Variants in AP1G1 observed in about 807,000 individuals in gnomAD.
AP1G1 encodes adaptor related protein complex 1 subunit gamma 1.
A neutral mutation model predicts 108.3 loss-of-function variants in AP1G1; 7 were observed. The observed-to-expected ratio is 0.06, with a 90% CI of 0.04 to 0.12. AP1G1 has a LOEUF of 0.12. AP1G1 is among the 10% of genes least tolerant of loss of function. The pLI is 1.00. For synonymous variants in AP1G1, 379 were observed against 353.5 expected (o/e 1.07, Z -0.81); for missense variants, 756 against 1,010.7 (o/e 0.75, Z 3.42).
chr16:71,797,693 G>A (rs1477081364), intron 1 of AP1G1, among the ~76,000 whole-genome samples: 2 of 152,118 alleles, frequency 1.3e-5, no homozygotes, highest in East Asian at 1.9e-4. Context: ...CAGCTACTCA[G>A]GAGGCTGAGG....
chr16:71,765,503 C>A lies in AP1G1; in HGVS notation c.724G>T (p.Asp242Tyr). 2 of 1,612,580 alleles carry A rather than the reference C, an allele frequency of 1.2e-6. No individual in the cohort carries two copies. Among genetic ancestry groups the A allele is most frequent in the South Asian group, 2.2e-5 (2 of 90,950 alleles). Residue 242 changes from aspartate to tyrosine, a missense_variant, in exon 7 of 23, where the codon GAC becomes TAC. Around this residue, in one of 3 missense-constraint regions of AP1G1, gnomAD observed 304 missense variants for 483.6 expected, o/e 0.63. Transcript: ENST00000299980. ...TTCAACCTCACCTGCAAAAAGGGGTCACTGATACCAGAAACATCATGTTCT... is the reference window on the plus strand; with the variant it reads ...TTCAACCTCACCTGCAAAAAGGGGTAACTGATACCAGAAACATCATGTTCT... ...SPEHDVSGIS[D>Y]PFLQVRILRL...
intron 13 of AP1G1, 162 bp downstream of exon 13, chr16:71,753,671 C>G: frequency 1.4e-6 from 1 of 692,232 alleles, no homozygotes; most frequent in Non-Finnish European, 2.6e-6. Context: ...TTATATTCCT[C>G]CATGCTGCTT....
At chr16:71,759,460 CA>C (rs956009734) in intron 10 of AP1G1, among the ~76,000 whole-genome samples, 3 of 146,214 alleles carry the variant, frequency 2.1e-5, no homozygotes, top group Non-Finnish European at 4.5e-5. Flanking sequence ...GACTCTGTCT[CA>C]AAAAAAAATA....
At chr16:71,772,186 A>G (rs745989315) in intron 4 of AP1G1, among the ~76,000 whole-genome samples, 3 of 151,434 alleles carry the variant, frequency 2.0e-5, no homozygotes, top group Non-Finnish European at 4.4e-5. Flanking sequence ...GCTAGAGTAC[A>G]ATGGCGCAAT....
At chr16:71,800,647 G>C (rs1232820561) in intron 1 of AP1G1, among the ~76,000 whole-genome samples, 4 of 146,170 alleles carry the variant, frequency 2.7e-5, no homozygotes, top group Non-Finnish European at 4.5e-5. Context: ...TAAAAATACA[G>C]AACATTAGCC....
chr16:71,798,435 G>C (rs773191958), intron 1 of AP1G1, among the ~76,000 whole-genome samples: 1 of 151,928 alleles, frequency 6.6e-6, no homozygotes, highest in African/African-American at 2.4e-5. Flanking sequence ...TCCTGACCTC[G>C]TGATCCGCCA....
At chr16:71,799,756 G>A (rs988118470) in intron 1 of AP1G1, among the ~76,000 whole-genome samples, 6 of 151,552 alleles carry the variant, frequency 4.0e-5, no homozygotes, top group African/African-American at 1.5e-4. Context: ...AAAATTAGCG[G>A]GGTGTGGTGA....
At position 71,771,331 on chromosome 16, in the gene AP1G1, C is replaced by T. The variant is rs552755877; in HGVS notation, c.469-79G>A. ...ACCAATCTTATTAAAAAACCACCAA[C>T]ACAAAAATCTCACCAACTAGTTCAT... On this transcript the variant is annotated intron_variant, in intron 4 of 22. Transcript: ENST00000299980. 1.0e-4 allele frequency: 81 copies of T among 786,756 alleles called. No individual in the cohort carries two copies. The East Asian group carries it at 1.9e-3, about 19-fold the overall frequency. 48.7% of individuals were successfully genotyped at this position (786,756 alleles called of 1,614,324 possible). A position where few individuals can be genotyped will look rare whatever the true frequency, so the allele number is the denominator to read the frequency against.
Position 71,789,357 on chromosome 16 carries a change from T to G in AP1G1, c.123A>C (p.Glu41Asp), listed in dbSNP as rs1001811363. 2 of 1,614,234 alleles carry G rather than the reference T, an allele frequency of 1.2e-6. No homozygotes were observed. The highest frequency in any genetic ancestry group is 1.1e-5 in the South Asian group (1 of 91,086). ...CAAIRSSFRE[E>D]DNTYRCRNVA... Reference sequence around the variant, plus strand: ...CATTCCGACATCGGTATGTATTGTCTTCTTCTCTAAAAGATGACCGGATTG... The same window carrying G: ...CATTCCGACATCGGTATGTATTGTCGTCTTCTCTAAAAGATGACCGGATTG... The change falls in exon 2 of 23, where the codon GAA (glutamate) becomes GAC (aspartate). Residue 41 changes from glutamate (E) to aspartate (D), a missense_variant. Glu to Asp is a conservative substitution (Grantham distance 45, BLOSUM62 2). Around this residue, in one of 3 missense-constraint regions of AP1G1, gnomAD observed 304 missense variants for 483.6 expected, o/e 0.63. Transcript: ENST00000299980.
chr16:71,747,969 C>T (rs771877506), intron 16 of AP1G1, among the ~76,000 whole-genome samples: 5 of 152,158 alleles, frequency 3.3e-5, no homozygotes, highest in Admixed American at 1.3e-4. Flanking sequence ...GGTAAGAGAG[C>T]GAGACCCTGT....
intron 3 of AP1G1, 112 bp downstream of exon 3, chr16:71,774,356 A>G: frequency 8.4e-7 from 1 of 1,187,330 alleles, no homozygotes. Context: ...GTGAGTCAAG[A>G]TCACGCCACT....
At chr16:71,752,156 A>C (rs1597046877) in intron 13 of AP1G1, among the ~76,000 whole-genome samples, 1 of 152,206 alleles carries the variant, frequency 6.6e-6, no homozygotes, top group African/African-American at 2.4e-5. Flanking sequence ...AGAGAACACA[A>C]GTCAGTTAGA....
chr16:71,807,681 T>A, intron 1 of AP1G1: 1 of 590,620 alleles, frequency 1.7e-6, no homozygotes, highest in Non-Finnish European at 2.6e-6. Flanking sequence ...TTTTTTAGAA[T>A]CAGTCAGCAA....
At chr16:71,766,232 T>C (rs970195521) in intron 6 of AP1G1, among the ~76,000 whole-genome samples, 2 of 152,148 alleles carry the variant, frequency 1.3e-5, no homozygotes, top group African/African-American at 4.8e-5. Context: ...TATTCTTAAC[T>C]CCTATGATAC....
rs2030199524 is a variant in AP1G1 at position 71,746,704 on chromosome 16, AT to A, written c.1626-13del. 1 of 1,584,996 alleles carries A rather than the reference AT, an allele frequency of 6.3e-7. No individual in the cohort carries two copies. The highest frequency in any genetic ancestry group is 1.3e-5 in the African/African-American group (1 of 74,394). ...CTTTCTTAATTCGGCTATAGATAAA[AT>A]GACAAACGAAATAAAATACCCAAAA... On this transcript the variant is annotated splice_polypyrimidine_tract_variant and intron_variant, in intron 16 of 22. Transcript: ENST00000299980.
chr16:71,769,762 A>C, intron 5 of AP1G1, 63 bp from the exon 6 acceptor site: 1 of 1,369,504 alleles, frequency 7.3e-7, no homozygotes, highest in Non-Finnish European at 1.0e-6. Context: ...ATAGAACAGG[A>C]CTTTGAGTTC....
At chr16:71,805,794 C>T (rs56269048) in intron 1 of AP1G1, among the ~76,000 whole-genome samples, 2,301 of 152,062 alleles carry the variant, frequency 0.015, 30 homozygotes, top group Non-Finnish European at 0.023. Context: ...CAGCACTTTG[C>T]GAGGCCGAGG....
At chr16:71,763,608 A>G (rs2145468194) in intron 9 of AP1G1, among the ~76,000 whole-genome samples, 1 of 152,338 alleles carries the variant, frequency 6.6e-6, no homozygotes, top group East Asian at 1.9e-4. Context: ...TGAACAAAGT[A>G]TGGTGCGAAC....
intron 15 of AP1G1, 40 bp downstream of exon 15, chr16:71,749,854 C>T: frequency 6.6e-7 from 1 of 1,515,250 alleles, no homozygotes; most frequent in Non-Finnish European, 9.2e-7. Flanking sequence ...TAACCAAAAC[C>T]ACTATTTTCC....
Sources: allele counts gnomAD v4.1 joint callset (sites outside exome capture counted in the v4.1 genomes callset), GRCh38; gene constraint gnomAD v4.1.1; regional missense constraint gnomAD v4.1.1; transcripts MANE v1.5; gene names NCBI Gene and HGNC (gene_info 2026-07-23, HGNC 2026-07-21).